STAG2: variants seen among roughly 807,000 people sequenced by gnomAD.
STAG2 encodes cohesin subunit SA-2.
Under a neutral mutation model 108.1 loss-of-function variants are expected in STAG2, and 14 were observed. The ratio of observed to expected loss-of-function variants is 0.13; its 90% CI spans 0.09 to 0.20. STAG2 has a LOEUF of 0.20. STAG2 is among the 10% of genes least tolerant of loss of function. STAG2 has a pLI of 1.00. For synonymous variants in STAG2, 307 were observed against 302.7 expected, an observed-to-expected ratio of 1.01 and a Z score of -0.15; for missense variants, 440 against 940.9, an observed-to-expected ratio of 0.47 and a Z score of 6.96.
At chrX:124,022,716 C>A in intron 3 of STAG2, 45 bp downstream of exon 3, 1 of 916,120 alleles carries the variant, frequency 1.1e-6, no homozygotes, top group East Asian at 3.4e-5. Context: ...TTGTTTATTC[C>A]ACAAAATGGG....
intron 1 of STAG2, among the ~76,000 whole-genome samples, chrX:123,976,274 TA>T (rs759447278): frequency 4.5e-5 from 5 of 110,475 alleles, no homozygotes; most frequent in African/African-American, 9.9e-5. Flanking sequence ...CCTTTTCTCT[TA>T]AAAAAAAATT....
chrX:124,069,183 G>A (rs145270050), intron 24 of STAG2, among the ~76,000 whole-genome samples: 5 of 111,826 alleles, frequency 4.5e-5, no homozygotes, highest in African/African-American at 1.6e-4. Context: ...TTCAGTTCTC[G>A]AAATAGACTG....
At chrX:124,090,274 C>A (rs1171782167) in intron 30 of STAG2, among the ~76,000 whole-genome samples, 1 of 108,755 alleles carries the variant, frequency 9.2e-6, no homozygotes, top group Non-Finnish European at 1.9e-5. Flanking sequence ...CCACCTGATA[C>A]CTACTCTAGT....
intron 9 of STAG2, among the ~76,000 whole-genome samples, chrX:124,048,508 G>A (rs779673624): frequency 1.8e-5 from 2 of 111,565 alleles, no homozygotes; most frequent in East Asian, 2.8e-4. Flanking sequence ...TATCTCAGCT[G>A]ACTGCAACCT....
chrX:124,027,157 GTCC>G (rs1342835323), intron 4 of STAG2, among the ~76,000 whole-genome samples: 1 of 111,961 alleles, frequency 8.9e-6, no homozygotes, highest in East Asian at 2.8e-4. Context: ...GGCTCAAGCA[GTCC>G]TCCTGCCTCA....
At chrX:123,977,030 A>G (rs1256357722) in intron 1 of STAG2, among the ~76,000 whole-genome samples, 1 of 112,036 alleles carries the variant, frequency 8.9e-6, no homozygotes, top group Non-Finnish European at 1.9e-5. Flanking sequence ...AGGAAAGCTT[A>G]TTTTCAGCTG....
intron 13 of STAG2, among the ~76,000 whole-genome samples, chrX:124,051,653 C>G (rs1043316770): frequency 9.2e-6 from 1 of 108,965 alleles, no homozygotes; most frequent in Admixed American, 9.8e-5. Flanking sequence ...TGCAGTGGTA[C>G]GATCTCAGCT....
intron 1 of STAG2, among the ~76,000 whole-genome samples, chrX:123,982,025 C>A (rs1165745674): frequency 9.0e-6 from 1 of 111,186 alleles, no homozygotes; most frequent in Non-Finnish European, 1.9e-5. Context: ...GAAATGTCTT[C>A]TGCTGCTTTT....
chrX:124,082,922 AT>A (rs1190005659), intron 28 of STAG2, among the ~76,000 whole-genome samples: 4 of 110,289 alleles, frequency 3.6e-5, no homozygotes, highest in Non-Finnish European at 7.6e-5. Flanking sequence ...TTGGGTTGTT[AT>A]TTTGATGAAT....
intron 27 of STAG2, among the ~76,000 whole-genome samples, chrX:124,080,155 A>G (rs780607842): frequency 1.8e-5 from 2 of 111,470 alleles, no homozygotes; most frequent in Admixed American, 9.6e-5. Flanking sequence ...AGCAGTTTTT[A>G]GATAAACAGT....
At chrX:124,054,990 C>T (rs1234763178) in intron 13 of STAG2, among the ~76,000 whole-genome samples, 2 of 110,889 alleles carry the variant, frequency 1.8e-5, no homozygotes, top group African/African-American at 6.6e-5. Flanking sequence ...TAGTCTCGAA[C>T]ACCTGGGCTC....
chrX:124,095,828 C>T (rs1326400403), intron 34 of STAG2, among the ~76,000 whole-genome samples: 1 of 109,286 alleles, frequency 9.2e-6, no homozygotes, highest in Non-Finnish European at 1.9e-5. Flanking sequence ...TGAGGGGCGT[C>T]ATATAAAGGC....
At chrX:124,087,422 C>T (rs1173923135) in intron 30 of STAG2, among the ~76,000 whole-genome samples, 1 of 111,772 alleles carries the variant, frequency 8.9e-6, no homozygotes, top group African/African-American at 3.3e-5. Flanking sequence ...TACCTCAAAA[C>T]TTAGGACATA....
At chrX:124,066,983 T>A (rs2058548571) in intron 23 of STAG2, among the ~76,000 whole-genome samples, 1 of 111,900 alleles carries the variant, frequency 8.9e-6, no homozygotes, top group Non-Finnish European at 1.9e-5. Context: ...ATTTGTAAAC[T>A]GGAAGCTTAA....
rs1234333387 is a variant in STAG2, at chrX:124,101,692, A to G, written c.*1095A>G. 1 of 163,525 alleles carries G rather than the reference A, an allele frequency of 6.1e-6. No homozygotes were observed. Among genetic ancestry groups the G allele is most frequent in the Non-Finnish European group, 1.2e-5 (1 of 84,837 alleles). The allele number at this position is 163,525 out of a possible 1,213,427, so 13.5% of individuals were successfully genotyped here. On this transcript the variant is annotated 3_prime_UTR_variant, in exon 35 of 35. Coordinates refer to ENST00000371145, the MANE Select transcript of STAG2 (RefSeq NM_001042750.2). Reference sequence around the variant, plus strand: ...GTTTTATCTATCTGTCTTTGCAAGCAGTCTTCAGGTTAAAGATACTTCTAA... The same window carrying G: ...GTTTTATCTATCTGTCTTTGCAAGCGGTCTTCAGGTTAAAGATACTTCTAA...
intron 3 of STAG2, among the ~76,000 whole-genome samples, chrX:124,024,676 C>A (rs1383911364): frequency 9.0e-6 from 1 of 111,539 alleles, no homozygotes; most frequent in Non-Finnish European, 1.9e-5. Flanking sequence ...AATATTCTTA[C>A]CTCACAGCCT....
chrX:123,982,837 C>T (rs1286858466), intron 1 of STAG2, among the ~76,000 whole-genome samples: 1 of 99,863 alleles, frequency 1.0e-5, no homozygotes, highest in African/African-American at 3.8e-5. Context: ...TTTCTATATC[C>T]TCATTTTTAG....
intron 1 of STAG2, among the ~76,000 whole-genome samples, chrX:124,002,112 GT>G (rs768335756): frequency 8.1e-5 from 9 of 111,480 alleles, no homozygotes; most frequent in African/African-American, 2.9e-4. Context: ...GTGGGATGCA[GT>G]TACTGAGGAG....
At chrX:124,042,823 C>T (rs760755158) in intron 7 of STAG2, among the ~76,000 whole-genome samples, 178 bp downstream of exon 7, 2 of 109,624 alleles carry the variant, frequency 1.8e-5, no homozygotes, top group Non-Finnish European at 3.8e-5. Context: ...ACCAGCTTGA[C>T]CAATATGGTG....
Sources: allele counts gnomAD v4.1 joint callset (sites outside exome capture counted in the v4.1 genomes callset), GRCh38; gene constraint gnomAD v4.1.1; transcripts MANE v1.5; gene names NCBI Gene and HGNC (gene_info 2026-07-23, HGNC 2026-07-21).